Variants in ARAP2 observed in about 807,000 individuals in gnomAD.
ARAP2 encodes the protein arf-GAP with Rho-GAP domain, ANK repeat and PH domain-containing protein 2.
In ARAP2, 148 loss-of-function variants were observed where a neutral mutation model predicts 194.5. The observed-to-expected ratio is 0.76, with a 90% CI of 0.67 to 0.87. The LOEUF (loss-of-function observed/expected upper bound fraction) is 0.87. ARAP2 is among the 40% of genes least tolerant of loss of function. The pLI is 0.00. For synonymous variants in ARAP2, 695 were observed against 683.5 expected, an observed-to-expected ratio of 1.02 and a Z score of -0.26; for missense variants, 2,128 against 1,989.7, an observed-to-expected ratio of 1.07 and a Z score of -1.32.
intron 5 of ARAP2, among the ~76,000 whole-genome samples, chr4:36,211,080 G>C (rs974272065): frequency 3.3e-5 from 5 of 152,024 alleles, no homozygotes; most frequent in African/African-American, 1.2e-4. Context: ...GCACAATTAA[G>C]TGGCCAGCCC....
intron 32 of ARAP2, among the ~76,000 whole-genome samples, 186 bp downstream of exon 32, chr4:36,073,503 A>T (rs757867723): frequency 3.9e-5 from 6 of 152,154 alleles, no homozygotes; most frequent in Admixed American, 6.6e-5. Context: ...GTGGTCAATG[A>T]TATTAAAATA....
rs1746948420 is a variant in ARAP2 at position 36,212,382 on chromosome 4, T to A, written c.1133+14A>T. The A allele has an allele frequency of 6.3e-7, 1 of 1,585,730 alleles. No homozygotes were observed. The highest frequency in any genetic ancestry group is 8.7e-7 in the Non-Finnish European group (1 of 1,155,440). On this transcript the variant is annotated intron_variant, in intron 5 of 32. Transcript: ENST00000303965. ...ATTCTAAATAGTTAATCATCATCAA[T>A]CATGATCTCATACCTTGATTTGATG...
intron 23 of ARAP2, among the ~76,000 whole-genome samples, chr4:36,120,326 G>T (rs1722377295): frequency 6.6e-6 from 1 of 151,538 alleles, no homozygotes; most frequent in Non-Finnish European, 1.5e-5. Context: ...TGTAAATTAA[G>T]ATACAGACTG....
Position 36,214,493 on chromosome 4 carries a change from A to T in ARAP2, c.906-13T>A. ...TTCACGGAAATAGCTTAAAAAGCAAAGGAGAAAATACTTATGAGTGAAAAT... is the reference window on the plus strand; with the variant it reads ...TTCACGGAAATAGCTTAAAAAGCAATGGAGAAAATACTTATGAGTGAAAAT... On this transcript the variant is annotated splice_polypyrimidine_tract_variant and intron_variant, in intron 2 of 32. Coordinates refer to ENST00000303965, the MANE Select transcript of ARAP2 (RefSeq NM_015230.4). The T allele has an allele frequency of 1.9e-6, 3 of 1,579,964 alleles. No homozygotes were observed. The highest frequency in any genetic ancestry group is 2.6e-6 in the Non-Finnish European group (3 of 1,156,550).
chr4:36,073,565 T>G (rs895604709), intron 32 of ARAP2, 124 bp downstream of exon 32: 1 of 1,127,944 alleles, frequency 8.9e-7, no homozygotes, highest in South Asian at 1.7e-5. Context: ...ATTATTACCA[T>G]GCTTTACAAA....
intron 4 of ARAP2, among the ~76,000 whole-genome samples, chr4:36,212,957 A>C (rs922682805): frequency 1.3e-5 from 2 of 152,062 alleles, no homozygotes; most frequent in African/African-American, 4.8e-5. Flanking sequence ...AGAGTGCTTA[A>C]GTTTTATACA....
intron 27 of ARAP2, among the ~76,000 whole-genome samples, chr4:36,095,477 T>C (rs1382244160): frequency 6.6e-6 from 1 of 152,138 alleles, no homozygotes; most frequent in Admixed American, 6.6e-5. Context: ...GATTGAAGAC[T>C]AGCAGAAATA....
intron 32 of ARAP2, among the ~76,000 whole-genome samples, chr4:36,072,823 C>G (rs1727344993): frequency 6.6e-6 from 1 of 152,028 alleles, no homozygotes; most frequent in Non-Finnish European, 1.5e-5. Context: ...TGAAGCTTTT[C>G]TCTTTTAGAG....
chr4:36,019,520 A>G (rs949475895), intron 5 of ARAP2, among the ~76,000 whole-genome samples: 1 of 149,204 alleles, frequency 6.7e-6, no homozygotes, highest in Non-Finnish European at 1.5e-5. Context: ...AATATCGGAT[A>G]CAATTCTCCT....
chr4:36,136,752 G>A (rs1235117543), intron 19 of ARAP2, among the ~76,000 whole-genome samples: 3 of 150,972 alleles, frequency 2.0e-5, no homozygotes, highest in Non-Finnish European at 4.4e-5. Flanking sequence ...ATTAGCCGAT[G>A]TAACCACAAA....
intron 1 of ARAP2, among the ~76,000 whole-genome samples, chr4:36,059,053 G>C (rs1350797921): frequency 6.6e-6 from 1 of 152,154 alleles, no homozygotes; most frequent in Non-Finnish European, 1.5e-5. Flanking sequence ...TTCATGCCTA[G>C]TGATGCTGAG....
At chr4:36,175,912 G>C (rs1737803667) in intron 9 of ARAP2, among the ~76,000 whole-genome samples, 1 of 152,054 alleles carries the variant, frequency 6.6e-6, no homozygotes, top group African/African-American at 2.4e-5. Context: ...GGTCTTGTTT[G>C]ACTTTTCCTC....
chr4:36,097,499 C>T (rs879509950), intron 27 of ARAP2, among the ~76,000 whole-genome samples: 2 of 152,032 alleles, frequency 1.3e-5, no homozygotes, highest in African/African-American at 4.8e-5. Context: ...GAATGGCTTC[C>T]AGTAATTCAT....
At chr4:36,239,149 A>G (rs1324482188) in intron 1 of ARAP2, among the ~76,000 whole-genome samples, 1 of 152,004 alleles carries the variant, frequency 6.6e-6, no homozygotes, top group Non-Finnish European at 1.5e-5. Flanking sequence ...GGTGGCACAC[A>G]CCTGTAATCC....
intron 21 of ARAP2, 152 bp from the exon 22 acceptor site, chr4:36,125,119 G>A (rs1318407343): frequency 9.4e-6 from 5 of 531,058 alleles, no homozygotes; most frequent in Non-Finnish European, 1.3e-5. Flanking sequence ...AAGTTCTAAA[G>A]TAATTGCCTA....
intron 6 of ARAP2, among the ~76,000 whole-genome samples, chr4:36,204,036 A>C (rs914432658): frequency 2.0e-5 from 3 of 152,218 alleles, no homozygotes; most frequent in African/African-American, 7.2e-5. Flanking sequence ...TAACAACAAC[A>C]ACAAAAAAAA....
chr4:36,208,272 C>T (rs552881598), intron 6 of ARAP2, among the ~76,000 whole-genome samples: 2 of 152,294 alleles, frequency 1.3e-5, no homozygotes, highest in Admixed American at 6.5e-5. Flanking sequence ...GAAAGAACTA[C>T]AAATGCAGAG....
At position 36,201,704 on chromosome 4, in the gene ARAP2, A is replaced by C. The variant is rs563238576; in HGVS notation, c.1488-8057T>G. Among the ~76,000 whole-genome samples the C allele has an allele frequency of 2.0e-4, 31 of 152,258 alleles. 1 individual carries two copies. The South Asian group carries it at 6.4e-3, about 32-fold the overall frequency. On this transcript the variant is annotated intron_variant, in intron 6 of 32. Coordinates refer to ENST00000303965, the MANE Select transcript of ARAP2 (RefSeq NM_015230.4). ...GTTTCTTAAAAATTATTTTTTAACA[A>C]CACTGTATACACACACAATTAAATC...
chr4:36,197,819 T>G (rs1315113896), intron 6 of ARAP2, among the ~76,000 whole-genome samples: 1 of 152,114 alleles, frequency 6.6e-6, no homozygotes, highest in Non-Finnish European at 1.5e-5. Flanking sequence ...AGAAGCAGCT[T>G]CCACAGCTGC....
Sources: gnomAD v4.1 joint callset for allele counts (sites outside exome capture counted in the v4.1 genomes callset) on GRCh38, gnomAD v4.1.1 for gene constraint, MANE v1.5 for transcripts, NCBI Gene and HGNC (gene_info 2026-07-23, HGNC 2026-07-21) for gene names.